SIGLEC1: variants seen among roughly 807,000 people sequenced by gnomAD.
The protein encoded by SIGLEC1 is sialic acid binding Ig like lectin 1, also known as sialoadhesin.
Under a neutral mutation model 148.0 loss-of-function variants are expected in SIGLEC1, and 132 were observed. The ratio of observed to expected loss-of-function variants is 0.89; its 90% CI spans 0.77 to 1.03. The LOEUF is 1.03. SIGLEC1 is among the 50% of genes least tolerant of loss of function. The pLI is 0.00. For synonymous variants in SIGLEC1, 945 were observed against 969.0 expected, an observed-to-expected ratio of 0.98 and a Z score of 0.46; for missense variants, 2,253 against 2,271.4, an observed-to-expected ratio of 0.99 and a Z score of 0.16.
chr20:3,705,887 C>G lies in SIGLEC1; in HGVS notation c.563G>C (p.Ser188Thr). The change falls in exon 4 of 22, where the codon AGC becomes ACC. Residue 188 changes from serine (S) to threonine (T), a missense_variant. Transcript: ENST00000344754. ...QDPARSVTFN[S>T]QKFEPTGVGH... ...GACGCCGGTGGGCTCAAACTTCTGGCTGTTGAAGGTGACAGAGCGAGCAGG... is the reference window on the plus strand; with the variant it reads ...GACGCCGGTGGGCTCAAACTTCTGGGTGTTGAAGGTGACAGAGCGAGCAGG... 6.2e-7 allele frequency: 1 copy of G among 1,614,144 alleles called. No homozygotes were observed. Among genetic ancestry groups the G allele is most frequent in the Non-Finnish European group, 8.5e-7 (1 of 1,180,036 alleles).
chr20:3,691,647 G>A (rs1426750269), intron 17 of SIGLEC1, 47 bp from the exon 18 acceptor site: 1 of 1,591,276 alleles, frequency 6.3e-7, no homozygotes, highest in Non-Finnish European at 8.6e-7. Flanking sequence ...TAGGCCTTGG[G>A]GGCTGGAGCC....
intron 1 of SIGLEC1, among the ~76,000 whole-genome samples, chr20:3,711,705 C>T (rs1040847929): frequency 6.6e-6 from 1 of 152,176 alleles, no homozygotes; most frequent in Non-Finnish European, 1.5e-5. Flanking sequence ...CCATAGAATC[C>T]ATAACTAATG....
chr20:3,691,957 T>C lies in SIGLEC1; in HGVS notation c.4276A>G (p.Thr1426Ala), dbSNP rs1428505800. The C allele has an allele frequency of 6.2e-7, 1 of 1,607,400 alleles. No individual in the cohort carries two copies. The highest frequency in any genetic ancestry group is 8.5e-7 in the Non-Finnish European group (1 of 1,175,078). ...VPAGDDTYVC[T>A]AQNLLGSIST... ...ATTGAGCCCAGCAAGTTTTGGGCTGTGCAAACATAGGTGTCATCACCTGCA... is the reference window on the plus strand; with the variant it reads ...ATTGAGCCCAGCAAGTTTTGGGCTGCGCAAACATAGGTGTCATCACCTGCA... The change falls in exon 17 of 22, where the codon ACA (threonine) becomes GCA (alanine). Residue 1426 changes from threonine to alanine, a missense_variant. Physicochemically the swap from Thr to Ala is moderately conservative, Grantham distance 58. Transcript: ENST00000344754.
Position 3,691,428 on chromosome 20 carries a change from C to T in SIGLEC1, c.4503G>A (p.Val1501=). 6.2e-7 allele frequency: 1 copy of T among 1,613,326 alleles called. No individual in the cohort carries two copies. Among genetic ancestry groups the T allele is most frequent in the South Asian group, 1.1e-5 (1 of 91,090 alleles). ...GGTACATCCCAGCTTGAGCACGAGC[C>T]ACGTGGGTGAAGGCGAGAGTGGGCA... The part of the protein sequence containing the change: ...EPVPTLAFTH[V]ARAQAGMYHC... The change falls in exon 18 of 22, where the codon GTG becomes GTA. Residue 1501 remains valine (V), a synonymous_variant. Coordinates refer to ENST00000344754, the MANE Select transcript of SIGLEC1 (RefSeq NM_023068.4).
chr20:3,688,956 C>A, intron 21 of SIGLEC1, 199 bp downstream of exon 21: 1 of 618,538 alleles, frequency 1.6e-6, no homozygotes. Flanking sequence ...AGCCAGCCGC[C>A]AGCTGACACA....
Position 3,706,583 on chromosome 20 carries a change from A to G in SIGLEC1, c.173T>C (p.Ile58Thr), listed in dbSNP as rs1447050628. The G allele has an allele frequency of 1.9e-6, 3 of 1,612,232 alleles. No homozygotes were observed. In the Admixed American group the frequency reaches 5.0e-5, roughly 27 times the overall value. ...DVEVPDGITA[I>T]WYYDYSGQRQ... is the part of the protein sequence containing the mutation. ...CTGGCCCGAGTAGTCGTAGTACCAG[A>G]TGGCCGTGATGCCGTCGGGCACCTC... The change falls in exon 3 of 22, where the codon ATC becomes ACC. Residue 58 changes from isoleucine (I) to threonine (T), a missense_variant. Ile to Thr is a moderately conservative substitution (Grantham distance 89). Transcript: ENST00000344754.
intron 7 of SIGLEC1, among the ~76,000 whole-genome samples, chr20:3,699,881 G>A (rs2087835923): frequency 6.6e-6 from 1 of 151,928 alleles, no homozygotes; most frequent in African/African-American, 2.4e-5. Context: ...TGTGATCCTG[G>A]CTCACTGCAA....
chr20:3,694,855 C>G lies in SIGLEC1; in HGVS notation c.2752G>C (p.Val918Leu), dbSNP rs1192257159. Residue 918 changes from valine to leucine, a missense_variant, in exon 12 of 22, where the codon GTA becomes CTA. Physicochemically the swap from Val to Leu is conservative, Grantham distance 32 (BLOSUM62 1). Coordinates refer to ENST00000344754, the MANE Select transcript of SIGLEC1 (RefSeq NM_023068.4). ...GTCCCCTCTGGGACTCCTGTGTGTA[C>G]CTGGCAGCTCAGGACCACAGCCTGG... is the stretch of plus-strand genomic sequence containing the variant. ...EGQAVVLSCQ[V>L]HTGVPEGTSY... is the part of the protein sequence containing the mutation. 1.2e-6 allele frequency: 2 copies of G among 1,613,394 alleles called. No individual in the cohort carries two copies.
In SIGLEC1 at chr20:3,693,676, G is replaced by C. The variant is rs764277845; in HGVS notation, c.3279C>G (p.Pro1093=). The change falls in exon 14 of 22, where the codon CCC becomes CCG. Residue 1093 remains proline (P), a synonymous_variant. Transcript: ENST00000344754. Reference sequence around the variant, plus strand: ...GCTGCCCCTCCCGCACGGTAGCCCCGGGCCACACCTGCACATTCACAGCTG... The same window carrying C: ...GCTGCCCCTCCCGCACGGTAGCCCCCGGCCACACCTGCACATTCACAGCTG... ...DAQAVNVQVW[P]GATVREGQLV... The C allele has an allele frequency of 5.0e-6, 8 of 1,595,296 alleles. No homozygotes were observed. The highest frequency in any genetic ancestry group is 4.5e-5 in the East Asian group (2 of 44,662).
rs765529239 is a variant in SIGLEC1 at position 3,703,843 on chromosome 20, T to TG, written c.954dup (p.Ile319HisfsTer9). 5.6e-6 allele frequency: 9 copies of TG among 1,613,820 alleles called. No individual in the cohort carries two copies. Among genetic ancestry groups the TG allele is most frequent in the South Asian group, 3.3e-5 (3 of 91,088 alleles). On this transcript the variant is annotated frameshift_variant, in exon 5 of 22. Coordinates refer to ENST00000344754, the MANE Select transcript of SIGLEC1 (RefSeq NM_023068.4). LOFTEE classifies it high-confidence loss of function. ...AACTCACTGAAGATGTGGAGGCTGATGGGGGGTGAGACCAAAGAGCCCACG... is the reference window on the plus strand; with the variant it reads ...AACTCACTGAAGATGTGGAGGCTGATGGGGGGGTGAGACCAAAGAGCCCACG...
Position 3,691,434 on chromosome 20 carries a change from G to A in SIGLEC1, c.4497C>T (p.Thr1499=), listed in dbSNP as rs2088760903. ...TCCCAGCTTGAGCACGAGCCACGTGGGTGAAGGCGAGAGTGGGCACAGGCT... is the reference window on the plus strand; with the variant it reads ...TCCCAGCTTGAGCACGAGCCACGTGAGTGAAGGCGAGAGTGGGCACAGGCT... ...HAEPVPTLAF[T]HVARAQAGMY... The change falls in exon 18 of 22, where the codon ACC becomes ACT. Residue 1499 remains threonine (T), a synonymous_variant. Coordinates refer to ENST00000344754, the MANE Select transcript of SIGLEC1 (RefSeq NM_023068.4). The A allele has an allele frequency of 1.2e-6, 2 of 1,613,214 alleles. No homozygotes were observed. Among genetic ancestry groups the A allele is most frequent in the South Asian group, 2.2e-5 (2 of 91,090 alleles).
chr20:3,712,058 A>G (rs943789012), intron 1 of SIGLEC1, among the ~76,000 whole-genome samples: 4 of 151,866 alleles, frequency 2.6e-5, no homozygotes, highest in African/African-American at 9.7e-5. Flanking sequence ...GATACGGTGG[A>G]GGCTGGGTTG....
At chr20:3,703,489 C>T in intron 5 of SIGLEC1, 38 bp from the exon 6 acceptor site, 1 of 1,539,596 alleles carries the variant, frequency 6.5e-7, no homozygotes, top group Non-Finnish European at 8.8e-7. Flanking sequence ...GGGGTCCCAG[C>T]CAACTTCCAG....
chr20:3,697,023 G>C (rs1197597470), intron 10 of SIGLEC1, 62 bp downstream of exon 10: 2 of 1,568,694 alleles, frequency 1.3e-6, no homozygotes, highest in South Asian at 2.3e-5. Context: ...CCCGGCCCCT[G>C]CTTCTCCCCA....
rs914065644 is a variant in SIGLEC1, at chr20:3,690,251, C to A, written c.4605G>T (p.Thr1535=). Reference sequence around the variant, plus strand: ...GCTCCACGAAGACCATCATGGTGGGCGTCTTGGGAGGGTCTGTGGGGAGGA... The same window carrying A: ...GCTCCACGAAGACCATCATGGTGGGAGTCTTGGGAGGGTCTGTGGGGAGGA... The part of the protein sequence containing the change: ...VMLRVLYPPK[T]PTMMVFVEPE... The change falls in exon 19 of 22, where the codon ACG becomes ACT. Residue 1535 remains threonine (T), a synonymous_variant. Coordinates refer to ENST00000344754, the MANE Select transcript of SIGLEC1 (RefSeq NM_023068.4). 3 of 1,546,164 alleles carry A rather than the reference C, an allele frequency of 1.9e-6. No individual in the cohort carries two copies. Among genetic ancestry groups the A allele is most frequent in the East Asian group, 4.9e-5 (2 of 40,924 alleles).
At chr20:3,697,371 C>T in intron 9 of SIGLEC1, 29 bp from the exon 10 acceptor site, 1 of 1,609,714 alleles carries the variant, frequency 6.2e-7, no homozygotes, top group Non-Finnish European at 8.5e-7. Context: ...AGCTTACTGA[C>T]CACCCCCGGC....
chr20:3,690,077 G>A lies in SIGLEC1; in HGVS notation c.4779C>T (p.Pro1593=). Residue 1593 remains proline (P), a synonymous_variant, in exon 19 of 22, where the codon CCC becomes CCT. Coordinates refer to ENST00000344754, the MANE Select transcript of SIGLEC1 (RefSeq NM_023068.4). ...CCTCGATGTCCACCCTCAGGGCATTGGGGGAAGCCAGGACATGGATGTGTG... is the reference window on the plus strand; with the variant it reads ...CCTCGATGTCCACCCTCAGGGCATTAGGGGAAGCCAGGACATGGATGTGTG... The part of the protein sequence containing the change: ...AEPHIHVLAS[P]NALRVDIEAL... The A allele has an allele frequency of 6.2e-7, 1 of 1,611,832 alleles. No homozygotes were observed. Among genetic ancestry groups the A allele is most frequent in the Non-Finnish European group, 8.5e-7 (1 of 1,179,360 alleles).
rs752086282 is a variant in SIGLEC1, at chr20:3,697,784, C to T, written c.2122+14G>A. On this transcript the variant is annotated intron_variant, in intron 9 of 21. Transcript: ENST00000344754. ...GCCCCTGCCCCCAGGCCACCCATTC[C>T]CTGCCTGACTCACCCTGGCCATTGA... is the stretch of plus-strand genomic sequence containing the variant. The T allele has an allele frequency of 6.2e-7, 1 of 1,611,222 alleles. No homozygotes were observed. The highest frequency in any genetic ancestry group is 8.5e-7 in the Non-Finnish European group (1 of 1,179,132).
chr20:3,690,382 A>C, intron 18 of SIGLEC1, 118 bp from the exon 19 acceptor site: 1 of 800,482 alleles, frequency 1.2e-6, no homozygotes, highest in Non-Finnish European at 1.9e-6. Flanking sequence ...CTATTTCCTC[A>C]CTCCTTGAAT....
Sources: gnomAD v4.1 joint callset for allele counts (sites outside exome capture counted in the v4.1 genomes callset) on GRCh38, gnomAD v4.1.1 for gene constraint, MANE v1.5 for transcripts, NCBI Gene and HGNC (gene_info 2026-07-23, HGNC 2026-07-21) for gene names.